Variants in COL4A3 observed in about 807,000 individuals in gnomAD.
COL4A3 encodes the protein collagen alpha-3(IV) chain.
COL4A3 carries 135 observed loss-of-function variants against 217.4 expected under a neutral mutation model. That is an observed-to-expected ratio of 0.62 (90% CI 0.54 to 0.72). The LOEUF (loss-of-function observed/expected upper bound fraction) is 0.72. COL4A3 is among the 30% of genes least tolerant of loss of function. The pLI is 0.00. For synonymous variants in COL4A3, 690 were observed against 736.3 expected (o/e 0.94, Z 1.02); for missense variants, 1,868 against 2,119.9 (o/e 0.88, Z 2.33).
At chr2:227,237,689 A>C (rs2068777864) in intron 1 of COL4A3, 1 of 328,820 alleles carries the variant, frequency 3.0e-6, no homozygotes, top group Non-Finnish European at 5.9e-6. Flanking sequence ...AGTAATGGCA[A>C]AAACGGCCAT....
rs1401378996 is a variant in COL4A3 at position 227,191,192 on chromosome 2, T to C, written c.87+26379T>C. On this transcript the variant is annotated intron_variant, in intron 1 of 51. Transcript: ENST00000396578. This position sits in a 1 kb window ranked among gnomAD's most constrained non-coding sequence, Gnocchi z 6.8. ...TTTGGATACTTGGGGAATAACAAAA[T>C]TTTTATTATTATAAGTAATACTGCT... Among the ~76,000 whole-genome samples, 4 of 152,124 alleles carry C rather than the reference T, an allele frequency of 2.6e-5. No homozygotes were observed. Among genetic ancestry groups the C allele is most frequent in the African/African-American group, 9.7e-5 (4 of 41,432 alleles).
In COL4A3 at chr2:227,305,839, G is replaced by A. The variant is rs142851451; in HGVS notation, c.4252+756G>A. ...AAAGCACTCTTCTGGAAACTACCTCGATATCCAAATCTTCTATTTTTAGGA... is the reference window on the plus strand; with the variant it reads ...AAAGCACTCTTCTGGAAACTACCTCAATATCCAAATCTTCTATTTTTAGGA... On this transcript the variant is annotated intron_variant, in intron 47 of 51. Transcript: ENST00000396578. Among the ~76,000 whole-genome samples the A allele has an allele frequency of 9.9e-5, 15 of 152,142 alleles. No homozygotes were observed. In the East Asian group the frequency reaches 2.3e-3, roughly 23 times the overall value.
chr2:227,265,539 T>TA (rs1327557115), intron 21 of COL4A3: 1 of 152,248 alleles, frequency 6.6e-6, no homozygotes, highest in African/African-American at 2.4e-5. Flanking sequence ...GCAGATAATG[T>TA]GGAAGCTGAG....
At chr2:227,179,345 T>C (rs2065797152) in intron 1 of COL4A3, among the ~76,000 whole-genome samples, 1 of 152,198 alleles carries the variant, frequency 6.6e-6, no homozygotes, top group African/African-American at 2.4e-5. Flanking sequence ...ATATATGAGA[T>C]AAATTTGAGT....
chr2:227,306,434 G>A (rs1006049214), intron 47 of COL4A3, among the ~76,000 whole-genome samples: 5 of 152,180 alleles, frequency 3.3e-5, no homozygotes, highest in Admixed American at 2.6e-4. Flanking sequence ...GCAGAGATGA[G>A]GAGACATCTT....
chr2:227,257,891 G>C (rs912759528), intron 18 of COL4A3, among the ~76,000 whole-genome samples: 5 of 152,212 alleles, frequency 3.3e-5, no homozygotes, highest in African/African-American at 1.2e-4. Flanking sequence ...GAAAAGCTTT[G>C]TCTAAGCAGC....
At chr2:227,189,119 AG>A (rs1471877573) in intron 1 of COL4A3, among the ~76,000 whole-genome samples, 1 of 152,070 alleles carries the variant, frequency 6.6e-6, no homozygotes, top group Non-Finnish European at 1.5e-5. Flanking sequence ...GAGTGTCTGG[AG>A]GGAGAGAGGC....
At chr2:227,285,611 T>C (rs2106182829) in intron 34 of COL4A3, among the ~76,000 whole-genome samples, 1 of 152,364 alleles carries the variant, frequency 6.6e-6, no homozygotes, top group Admixed American at 6.5e-5. Flanking sequence ...ATTTAAGTAG[T>C]GTTAGAAACA....
At chr2:227,177,211 G>A (rs1266612694) in intron 1 of COL4A3, among the ~76,000 whole-genome samples, 2 of 146,748 alleles carry the variant, frequency 1.4e-5, no homozygotes, top group East Asian at 2.0e-4. Context: ...GTGCAGTGGC[G>A]CCATCTAGGC....
At chr2:227,286,100 A>G (rs572969151) in intron 34 of COL4A3, among the ~76,000 whole-genome samples, 161 of 152,332 alleles carry the variant, frequency 1.1e-3, no homozygotes, top group African/African-American at 3.8e-3. Context: ...GGTGCAAATT[A>G]GCATGCTATA....
intron 11 of COL4A3, among the ~76,000 whole-genome samples, chr2:227,251,663 A>G (rs1194946910): frequency 6.6e-6 from 1 of 152,194 alleles, no homozygotes; most frequent in Non-Finnish European, 1.5e-5. Flanking sequence ...CACACAGCAC[A>G]TTATCCTCTG....
chr2:227,244,565 T>C (rs772893709), intron 4 of COL4A3, among the ~76,000 whole-genome samples: 36 of 152,292 alleles, frequency 2.4e-4, no homozygotes, highest in South Asian at 1.2e-3. Flanking sequence ...AGAAAGGCCA[T>C]GAAGGAACCT....
intron 20 of COL4A3, among the ~76,000 whole-genome samples, chr2:227,261,388 G>A (rs1477035802): frequency 1.3e-5 from 2 of 152,162 alleles, no homozygotes; most frequent in East Asian, 1.9e-4. Flanking sequence ...TTAGCTGGGC[G>A]TGGTGGCGTA....
At chr2:227,190,861 C>T (rs1204691532) in intron 1 of COL4A3, among the ~76,000 whole-genome samples, 1 of 152,160 alleles carries the variant, frequency 6.6e-6, no homozygotes. Flanking sequence ...GAGCCAAGAC[C>T]ATGCCACTGC....
At chr2:227,237,368 A>G (rs1391105355) in intron 1 of COL4A3, among the ~76,000 whole-genome samples, 1 of 152,220 alleles carries the variant, frequency 6.6e-6, no homozygotes, top group Non-Finnish European at 1.5e-5. Context: ...ACACAAATAT[A>G]TATAAGGTTG....
intron 32 of COL4A3, 57 bp from the exon 33 acceptor site, chr2:227,283,710 T>G (rs2072130990): frequency 1.4e-5 from 20 of 1,385,586 alleles, no homozygotes; most frequent in Non-Finnish European, 2.0e-5. Context: ...ATATGGAATA[T>G]TTTGCTTTTC....
rs981917571 is a variant in COL4A3 at position 227,314,204 on chromosome 2, C to A, written c.*2334C>A. ...GTCAAACCACTGGCCTCCACTCAGG[C>A]CTCCATCTTCTCATGCCCTCTTACC... On this transcript the variant is annotated 3_prime_UTR_variant, in exon 52 of 52. Transcript: ENST00000396578. 6.6e-6 allele frequency: 1 copy of A among 152,624 alleles called. No homozygotes were observed. Among genetic ancestry groups the A allele is most frequent in the Non-Finnish European group, 1.5e-5 (1 of 68,056 alleles). The allele number at this position is 152,624 out of a possible 1,614,324, so 9.5% of individuals were successfully genotyped here.
At chr2:227,279,963 C>G in intron 29 of COL4A3, 73 bp downstream of exon 29, 1 of 905,868 alleles carries the variant, frequency 1.1e-6, no homozygotes, top group Non-Finnish European at 1.8e-6. Context: ...ATGCACTTAT[C>G]TGGCAGAGCA....
intron 26 of COL4A3, among the ~76,000 whole-genome samples, chr2:227,273,376 G>T (rs1479813306): frequency 6.6e-6 from 1 of 151,978 alleles, no homozygotes; most frequent in African/African-American, 2.4e-5. Context: ...TATATGAAAT[G>T]AATAGATCCT....
Sources: gnomAD v4.1 joint callset for allele counts (sites outside exome capture counted in the v4.1 genomes callset) on GRCh38, gnomAD v4.1.1 for gene constraint, Gnocchi (gnomAD v3.1) non-coding constraint, MANE v1.5 for transcripts, NCBI Gene and HGNC (gene_info 2026-07-23, HGNC 2026-07-21) for gene names.